The following SUCLG2 variants were observed in gnomAD, a reference collection of about 807,000 sequenced individuals.
SUCLG2 encodes the protein succinate-CoA ligase GDP-forming subunit beta.
In SUCLG2, 42 loss-of-function variants were observed where a neutral mutation model predicts 47.9. That is an observed-to-expected ratio of 0.88 (90% CI 0.69 to 1.14). The LOEUF (loss-of-function observed/expected upper bound fraction) is 1.14, where lower values mean the gene tolerates loss of function less well. Ranked by LOEUF, SUCLG2 falls within the 50% of genes most tolerant of loss-of-function variation. SUCLG2 has a pLI of 0.00. For synonymous variants in SUCLG2, 195 were observed against 197.3 expected (o/e 0.99, Z 0.10); for missense variants, 571 against 525.9 (o/e 1.09, Z -0.84).
chr3:67,455,793 G>C (rs564825599), intron 9 of SUCLG2, among the ~76,000 whole-genome samples: 2 of 152,202 alleles, frequency 1.3e-5, no homozygotes, highest in South Asian at 4.2e-4. Context: ...GAAAGGGTAG[G>C]CCTTTCCATT....
At position 67,514,336 on chromosome 3, in the gene SUCLG2, T is replaced by A. The variant is rs1705882750; in HGVS notation, c.660+3911A>T. On this transcript the variant is annotated intron_variant, in intron 6 of 10. Coordinates refer to ENST00000307227, the MANE Select transcript of SUCLG2 (RefSeq NM_003848.4). ...CATCTCATATTAAGTCTGGCAATGATGACTATGTGTATTCTTGCTGAAATA... is the reference window on the plus strand; with the variant it reads ...CATCTCATATTAAGTCTGGCAATGAAGACTATGTGTATTCTTGCTGAAATA... 8.0e-6 allele frequency: 3 copies of A among 376,688 alleles called. No individual in the cohort carries two copies. In the Admixed American group the frequency reaches 9.1e-5, roughly 11 times the overall value. 23.3% of individuals were successfully genotyped at this position (376,688 alleles called of 1,614,324 possible).
At position 67,654,483 on chromosome 3, in the gene SUCLG2, G is replaced by C. The variant is rs1317246566; in HGVS notation, c.84+20C>G. On this transcript the variant is annotated intron_variant, in intron 1 of 10. Transcript: ENST00000307227. Reference sequence around the variant, plus strand: ...GCCGGCGCCGCTGCTGGCGCCCGCAGCTCCTGCCCCCACGCTCACCTGGGA... The same window carrying C: ...GCCGGCGCCGCTGCTGGCGCCCGCACCTCCTGCCCCCACGCTCACCTGGGA... 7 of 1,233,208 alleles carry C rather than the reference G, an allele frequency of 5.7e-6. No homozygotes were observed. Among genetic ancestry groups the C allele is most frequent in the Non-Finnish European group, 7.1e-6 (7 of 987,904 alleles). The allele number at this position is 1,233,208 out of a possible 1,614,324, so 76.4% of individuals were successfully genotyped here.
At chr3:67,599,430 C>T (rs1708365978) in intron 2 of SUCLG2, among the ~76,000 whole-genome samples, 1 of 152,144 alleles carries the variant, frequency 6.6e-6, no homozygotes, top group Non-Finnish European at 1.5e-5. Flanking sequence ...ACTGAATCCA[C>T]TAAACAAGGA....
chr3:67,498,083 T>C, intron 8 of SUCLG2, 51 bp downstream of exon 8: 1 of 1,534,644 alleles, frequency 6.5e-7, no homozygotes, highest in South Asian at 1.3e-5. Flanking sequence ...CAAGGTTTCC[T>C]AAATTCTATA....
At chr3:67,552,402 T>G (rs1359709983) in intron 2 of SUCLG2, among the ~76,000 whole-genome samples, 2 of 152,224 alleles carry the variant, frequency 1.3e-5, no homozygotes, top group African/African-American at 4.8e-5. Flanking sequence ...TATTGGTGTA[T>G]TCATGTAGTA....
At chr3:67,504,561 C>A (rs1388403905) in intron 7 of SUCLG2, among the ~76,000 whole-genome samples, 1 of 152,162 alleles carries the variant, frequency 6.6e-6, no homozygotes, top group African/African-American at 2.4e-5. Context: ...AGCAAGAATT[C>A]TTAATCTCTA....
At chr3:67,425,210 G>C (rs1703267110) in intron 9 of SUCLG2, among the ~76,000 whole-genome samples, 1 of 152,096 alleles carries the variant, frequency 6.6e-6, no homozygotes, top group Admixed American at 6.5e-5. Context: ...TTGCCTTCTT[G>C]TACTTAGCAT....
chr3:67,400,743 C>T lies in SUCLG2; in HGVS notation c.1171G>A (p.Val391Ile), dbSNP rs1702663881. The change falls in exon 10 of 11, where the codon GTC becomes ATC. Residue 391 changes from valine to isoleucine, a missense_variant. Transcript: ENST00000307227. Reference sequence around the variant, plus strand: ...TACCATGACTCACCTTCAAGCCGGACCACCAGGGGCACCTTGAGTTCTAGC... The same window carrying T: ...TACCATGACTCACCTTCAAGCCGGATCACCAGGGGCACCTTGAGTTCTAGC... ...RELELKVPLV[V>I]RLEGTNVQEA... The T allele has an allele frequency of 6.2e-7, 1 of 1,611,764 alleles. No individual in the cohort carries two copies. Among genetic ancestry groups the T allele is most frequent in the East Asian group, 2.2e-5 (1 of 44,826 alleles).
chr3:67,639,563 C>G lies in SUCLG2; in HGVS notation c.84+14940G>C, dbSNP rs56268037. On this transcript the variant is annotated intron_variant, in intron 1 of 10. Transcript: ENST00000307227. ...CCCGGCAGGTCTTTGTCTTAAGATG[C>G]TGAAGACAACATGCCCTTAAAGAAC... Among the ~76,000 whole-genome samples, 1,317 of 151,854 alleles carry G rather than the reference C, an allele frequency of 8.7e-3. 6 individuals are homozygous for G. The highest frequency in any genetic ancestry group is 0.015 in the Non-Finnish European group (1,038 of 68,014).
intron 9 of SUCLG2, among the ~76,000 whole-genome samples, chr3:67,483,987 A>G (rs552937347): frequency 6.6e-6 from 1 of 152,288 alleles, no homozygotes; most frequent in South Asian, 2.1e-4. Context: ...CCCTTGCACT[A>G]GTGTGGGATT....
intron 4 of SUCLG2, among the ~76,000 whole-genome samples, chr3:67,523,712 A>C (rs150761320): frequency 6.6e-6 from 1 of 152,212 alleles, no homozygotes; most frequent in Non-Finnish European, 1.5e-5. Flanking sequence ...TGTTTTAAGA[A>C]ATTTGATTGG....
chr3:67,373,946 T>G (rs1701987219), downstream of SUCLG2, among the ~76,000 whole-genome samples: 1 of 152,208 alleles, frequency 6.6e-6, no homozygotes, highest in South Asian at 2.1e-4. Flanking sequence ...AAAAGGCTAT[T>G]TCCTTGTTAT....
chr3:67,642,915 A>ACT (rs1491463638), intron 1 of SUCLG2, among the ~76,000 whole-genome samples: 3 of 109,532 alleles, frequency 2.7e-5, no homozygotes, highest in South Asian at 2.7e-4. Context: ...ACAGAAAAGG[A>ACT]CTCTGTGTGT....
At chr3:67,522,470 C>G (rs1456189140) in intron 4 of SUCLG2, among the ~76,000 whole-genome samples, 1 of 151,894 alleles carries the variant, frequency 6.6e-6, no homozygotes. Flanking sequence ...AGTGAAATGT[C>G]TAGGTTTTAA....
chr3:67,518,267 C>G lies in SUCLG2; in HGVS notation c.640G>C (p.Val214Leu), dbSNP rs188443251. 4.3e-6 allele frequency: 7 copies of G among 1,612,162 alleles called. No homozygotes were observed. Among genetic ancestry groups the G allele is most frequent in the South Asian group, 2.2e-5 (2 of 90,692 alleles). Reference protein sequence around the residue: ...AQRMAENLGFVGPLKSQAADQ... With the variant: ...AQRMAENLGFLGPLKSQAADQ... ...TATACCTGGCTTTTCAAAGGCCCAACGAAGCCTAGATTTTCGGCCATCCGC... is the reference window on the plus strand; with the variant it reads ...TATACCTGGCTTTTCAAAGGCCCAAGGAAGCCTAGATTTTCGGCCATCCGC... Residue 214 changes from valine to leucine, a missense_variant, in exon 6 of 11, where the codon GTT becomes CTT. Physicochemically the swap from Val to Leu is conservative, Grantham distance 32. Coordinates refer to ENST00000307227, the MANE Select transcript of SUCLG2 (RefSeq NM_003848.4).
At chr3:67,391,006 A>G (rs1452159563) in intron 10 of SUCLG2, among the ~76,000 whole-genome samples, 1 of 152,196 alleles carries the variant, frequency 6.6e-6, no homozygotes, top group Non-Finnish European at 1.5e-5. Flanking sequence ...TATTAATAAT[A>G]AACCTCGAGA....
intron 9 of SUCLG2, among the ~76,000 whole-genome samples, chr3:67,489,050 G>A (rs969390872): frequency 6.6e-6 from 1 of 152,162 alleles, no homozygotes; most frequent in African/African-American, 2.4e-5. Flanking sequence ...TCAGTGAGGA[G>A]CATGTAAATA....
At chr3:67,592,351 T>C (rs1271261687) in intron 2 of SUCLG2, among the ~76,000 whole-genome samples, 1 of 152,120 alleles carries the variant, frequency 6.6e-6, no homozygotes, top group Non-Finnish European at 1.5e-5. Context: ...ATAAAGCTAA[T>C]GTGAATCCAG....
intron 6 of SUCLG2, among the ~76,000 whole-genome samples, chr3:67,512,363 G>C (rs1421403600): frequency 7.9e-5 from 12 of 150,946 alleles, no homozygotes. Context: ...AATATTTTTT[G>C]TATTTTAGGG....
Sources: allele counts gnomAD v4.1 joint callset (sites outside exome capture counted in the v4.1 genomes callset), GRCh38; gene constraint gnomAD v4.1.1; transcripts MANE v1.5; gene names NCBI Gene and HGNC (gene_info 2026-07-23, HGNC 2026-07-21).